MAGI2: variants seen among roughly 807,000 people sequenced by gnomAD.
MAGI2 encodes the protein membrane-associated guanylate kinase, WW and PDZ domain-containing protein 2.
MAGI2 carries 35 observed loss-of-function variants against 133.3 expected under a neutral mutation model. That is an observed-to-expected ratio of 0.26 (90% confidence interval 0.20 to 0.35). The LOEUF (loss-of-function observed/expected upper bound fraction) is 0.35, where lower values mean the gene tolerates loss of function less well. MAGI2 is among the 10% of genes least tolerant of loss of function. The probability of loss-of-function intolerance (pLI) is 1.00; values close to 1 mark genes in which losing one functional copy is unlikely to be tolerated. For synonymous variants in MAGI2, 729 were observed against 710.6 expected (o/e 1.03, Z -0.41); for missense variants, 1,636 against 1,863.4 (o/e 0.88, Z 2.25).
intron 6 of MAGI2, among the ~76,000 whole-genome samples, chr7:78,408,695 G>A (rs1562956123): frequency 6.6e-6 from 1 of 151,986 alleles, no homozygotes; most frequent in Non-Finnish European, 1.5e-5. Context: ...GTGCTGAAAA[G>A]TAGAAAATAC....
intron 1 of MAGI2, chr7:79,414,234 A>G (rs770239358): frequency 4.6e-5 from 7 of 152,142 alleles, no homozygotes; most frequent in Non-Finnish European, 8.8e-5. Context: ...ATAAACACAC[A>G]TATTTCACTG....
At chr7:79,339,187 G>T (rs1273805510) in intron 1 of MAGI2, among the ~76,000 whole-genome samples, 1 of 152,040 alleles carries the variant, frequency 6.6e-6, no homozygotes, top group African/African-American at 2.4e-5. Flanking sequence ...GCAAGTTTTA[G>T]ATGTAAAATT....
intron 2 of MAGI2, among the ~76,000 whole-genome samples, chr7:78,736,699 A>G (rs1425324612): frequency 6.6e-6 from 1 of 152,132 alleles, no homozygotes; most frequent in Non-Finnish European, 1.5e-5. Context: ...GGCAAGTATA[A>G]CTGCTGGTAC....
At chr7:79,042,239 T>C (rs1280311733) in intron 1 of MAGI2, among the ~76,000 whole-genome samples, 2 of 152,184 alleles carry the variant, frequency 1.3e-5, no homozygotes, top group African/African-American at 2.4e-5. Flanking sequence ...CATGAAAATA[T>C]GCTAAACATT....
intron 2 of MAGI2, among the ~76,000 whole-genome samples, chr7:78,641,216 A>G (rs546853458): frequency 6.9e-4 from 105 of 152,284 alleles, no homozygotes; most frequent in Admixed American, 2.2e-3. Context: ...ATGTTCTCAT[A>G]GCAGTGTAAG....
rs1308633312 is a variant in MAGI2, at chr7:78,418,624, T to C, written c.1046-49411A>G. On this transcript the variant is annotated intron_variant, in intron 6 of 21. Transcript: ENST00000354212. ...GTTAACTTAAATGTAAATAGCCACA[T>C]GTGCCTAGCAGCTGCTCTTTTGGAC... 5.3e-5 allele frequency among the ~76,000 whole-genome samples: 8 copies of C among 152,284 alleles called. No individual in the cohort carries two copies. The East Asian group carries it at 1.5e-3, about 29-fold the overall frequency.
chr7:79,032,910 C>T (rs888582710), intron 1 of MAGI2, among the ~76,000 whole-genome samples: 3 of 145,642 alleles, frequency 2.1e-5, no homozygotes, highest in African/African-American at 5.3e-5. Context: ...GCTACAGCTT[C>T]GTGGAGCTAT....
intron 12 of MAGI2, among the ~76,000 whole-genome samples, chr7:78,194,493 A>G (rs1331385611): frequency 6.6e-6 from 1 of 152,152 alleles, no homozygotes; most frequent in Non-Finnish European, 1.5e-5. Flanking sequence ...GCTATATTCA[A>G]GGCTCTAAGA....
At chr7:79,315,361 G>A (rs1838636444) in intron 1 of MAGI2, among the ~76,000 whole-genome samples, 2 of 143,752 alleles carry the variant, frequency 1.4e-5, no homozygotes, top group East Asian at 4.1e-4. Context: ...TTTTAGTAGA[G>A]ACGGGGTTTC....
intron 2 of MAGI2, among the ~76,000 whole-genome samples, chr7:78,662,957 A>C (rs562964110): frequency 2.0e-5 from 3 of 152,326 alleles, no homozygotes; most frequent in Non-Finnish European, 4.4e-5. Flanking sequence ...TAATCTAGAC[A>C]CAGAGTGGTA....
intron 3 of MAGI2, among the ~76,000 whole-genome samples, chr7:78,579,903 G>T (rs1332647727): frequency 1.3e-5 from 2 of 152,212 alleles, no homozygotes; most frequent in South Asian, 2.1e-4. Context: ...ACTTGATTAT[G>T]ATATTTGACT....
chr7:78,161,415 G>A (rs890012466), intron 15 of MAGI2, among the ~76,000 whole-genome samples: 2 of 152,022 alleles, frequency 1.3e-5, no homozygotes, highest in African/African-American at 4.8e-5. Context: ...TTTGATTAGT[G>A]TACTCAAAAG....
At chr7:79,288,762 G>A (rs1431933041) in intron 1 of MAGI2, among the ~76,000 whole-genome samples, 3 of 152,270 alleles carry the variant, frequency 2.0e-5, no homozygotes, top group African/African-American at 2.4e-5. Context: ...GAGACGGGAA[G>A]GCAACATTAT....
At chr7:78,550,697 A>T (rs1799259611) in intron 3 of MAGI2, among the ~76,000 whole-genome samples, 1 of 152,042 alleles carries the variant, frequency 6.6e-6, no homozygotes, top group African/African-American at 2.4e-5. Flanking sequence ...CATTAATGTC[A>T]TATCCCCTCC....
Position 78,037,094 on chromosome 7 carries a change from GC to G in MAGI2, c.3707-17119del, listed in dbSNP as rs563603227. Reference sequence around the variant, plus strand: ...ATAACCCCCCTGTGCAAGAACCAGTGCCCCCAAGGCATCCAGGTAAAAGGAG... The same window carrying G: ...ATAACCCCCCTGTGCAAGAACCAGTGCCCCAAGGCATCCAGGTAAAAGGAG... On this transcript the variant is annotated intron_variant, in intron 21 of 21. Transcript: ENST00000354212. Among the ~76,000 whole-genome samples the G allele has an allele frequency of 1.3e-4, 20 of 152,238 alleles. No homozygotes were observed. In the East Asian group the frequency reaches 3.7e-3, roughly 28 times the overall value.
chr7:79,057,730 A>G (rs917476298), intron 1 of MAGI2, among the ~76,000 whole-genome samples: 11 of 152,128 alleles, frequency 7.2e-5, no homozygotes, highest in African/African-American at 1.9e-4. Flanking sequence ...ACCGATTCAC[A>G]TCTTTCTACC....
intron 2 of MAGI2, among the ~76,000 whole-genome samples, chr7:78,747,509 T>C (rs184257291): frequency 3.2e-4 from 49 of 152,024 alleles, no homozygotes; most frequent in African/African-American, 1.1e-3. Context: ...ATTGCAAGCA[T>C]AGTCGACTAA....
At chr7:79,414,611 T>A (rs1216066003) in intron 1 of MAGI2, 1 of 152,166 alleles carries the variant, frequency 6.6e-6, no homozygotes, top group Non-Finnish European at 1.5e-5. Flanking sequence ...AATCTCAGGT[T>A]CATATTTGGT....
At chr7:79,407,507 G>C (rs1199999230) in intron 1 of MAGI2, among the ~76,000 whole-genome samples, 1 of 152,080 alleles carries the variant, frequency 6.6e-6, no homozygotes, top group Non-Finnish European at 1.5e-5. Flanking sequence ...ACCTGAACTT[G>C]TTCGTTCTAA....
Sources: allele counts gnomAD v4.1 joint callset (sites outside exome capture counted in the v4.1 genomes callset), GRCh38; gene constraint gnomAD v4.1.1; transcripts MANE v1.5; gene names NCBI Gene and HGNC (gene_info 2026-07-23, HGNC 2026-07-21).